The following FLT3 variants were observed in gnomAD, a reference collection of about 807,000 sequenced individuals.
The protein encoded by FLT3 is receptor-type tyrosine-protein kinase FLT3.
In FLT3, 46 loss-of-function variants were observed where a neutral mutation model predicts 126.6. The observed-to-expected ratio is 0.36, with a 90% CI of 0.29 to 0.46. The LOEUF (loss-of-function observed/expected upper bound fraction) is 0.46, where lower values mean the gene tolerates loss of function less well. Among genes scored for constraint, FLT3 ranks in the 20% least tolerant of loss-of-function variants. The pLI, the probability that FLT3 is intolerant of heterozygous loss-of-function variation, is 1.00. For synonymous variants in FLT3, 404 were observed against 434.4 expected (o/e 0.93, Z 0.87); for missense variants, 1,069 against 1,190.3 (o/e 0.90, Z 1.50).
intron 19 of FLT3, among the ~76,000 whole-genome samples, chr13:28,020,129 C>T (rs1872251714): frequency 6.6e-6 from 1 of 152,112 alleles, no homozygotes; most frequent in Admixed American, 6.5e-5. Flanking sequence ...TGATTCCATG[C>T]TTCCTATCCT....
chr13:28,032,974 G>A (rs952285184), intron 15 of FLT3, among the ~76,000 whole-genome samples: 4 of 152,082 alleles, frequency 2.6e-5, no homozygotes, highest in Non-Finnish European at 4.4e-5. Flanking sequence ...GGGGCTGGAC[G>A]CCAGATCGGA....
chr13:28,061,243 A>C (rs7334993), intron 3 of FLT3, among the ~76,000 whole-genome samples: 147,566 of 151,786 alleles, frequency 0.97, 71,855 homozygotes, highest in Non-Finnish European at 1. Context: ...GTGATCCCCG[A>C]TATTCAGGAG....
rs199995896 is a variant in FLT3, at chr13:28,041,778, AGAC to A, written c.1206-4493_1206-4491del. ...TTTCTACAAATGGCCAGCCGGCAGG[AGAC>A]GGAGGTCAGGACATTTGAGTTTACA... On this transcript the variant is annotated intron_variant, in intron 9 of 23. Coordinates refer to ENST00000241453, the MANE Select transcript of FLT3 (RefSeq NM_004119.3). Among the ~76,000 whole-genome samples the A allele has an allele frequency of 7.4e-3, 1,125 of 152,324 alleles. 6 individuals are homozygous for A. Among genetic ancestry groups the A allele is most frequent in the Non-Finnish European group, 0.013 (860 of 68,030 alleles).
chr13:28,087,728 CT>C (rs1217194757), intron 1 of FLT3, among the ~76,000 whole-genome samples: 3 of 151,982 alleles, frequency 2.0e-5, no homozygotes, highest in Non-Finnish European at 2.9e-5. Context: ...CTTTTTTGCT[CT>C]GTTCATTTTG....
At chr13:28,012,371 C>T (rs546426158) in intron 23 of FLT3, among the ~76,000 whole-genome samples, 2 of 152,110 alleles carry the variant, frequency 1.3e-5, no homozygotes, top group Non-Finnish European at 2.9e-5. Context: ...CAAACCAAGA[C>T]CCAAGTGGTC....
intron 9 of FLT3, among the ~76,000 whole-genome samples, chr13:28,043,893 C>T (rs1159161763): frequency 2.6e-5 from 4 of 151,772 alleles, no homozygotes; most frequent in African/African-American, 4.8e-5. Flanking sequence ...GGGCAGATCA[C>T]GAGGTCAGGA....
Position 28,023,459 on chromosome 13 carries a change from T to G in FLT3, c.2309A>C (p.Asn770Thr). The G allele has an allele frequency of 6.2e-7, 1 of 1,613,966 alleles. No individual in the cohort carries two copies. The highest frequency in any genetic ancestry group is 1.1e-5 in the South Asian group (1 of 91,014). The change falls in exon 19 of 24, where the codon AAC becomes ACC. Residue 770 changes from asparagine (N) to threonine (T), a missense_variant. By Grantham distance (65) the Asn-to-Thr change is moderately conservative (BLOSUM62 0). Transcript: ENST00000241453. ...FHSEDEIEYE[N>T]QKRLEEEEDL... ...CTCCTCTTCTTCCAGCCTTTTTTGGTTTTCATATTCAATTTCATCTGTAAA... is the reference window on the plus strand; with the variant it reads ...CTCCTCTTCTTCCAGCCTTTTTTGGGTTTCATATTCAATTTCATCTGTAAA...
chr13:28,020,424 C>T (rs1470223537), intron 19 of FLT3, among the ~76,000 whole-genome samples: 1 of 152,228 alleles, frequency 6.6e-6, no homozygotes. Context: ...TCTCTGCTCA[C>T]TGCAACCTCT....
intron 9 of FLT3, among the ~76,000 whole-genome samples, chr13:28,038,939 G>C (rs1228697305): frequency 1.3e-5 from 2 of 152,052 alleles, no homozygotes; most frequent in African/African-American, 4.8e-5. Flanking sequence ...AATCATTAAA[G>C]CATTAAACTG....
intron 2 of FLT3, among the ~76,000 whole-genome samples, chr13:28,064,097 C>T (rs893930979): frequency 6.6e-6 from 1 of 152,020 alleles, no homozygotes; most frequent in Non-Finnish European, 1.5e-5. Context: ...CATAGCAAGA[C>T]CCCGTCCCAA....
At chr13:28,025,056 A>G (rs567562617) in intron 17 of FLT3, 113 bp from the exon 18 acceptor site, 402 of 690,178 alleles carry the variant, frequency 5.8e-4, no homozygotes, top group Non-Finnish European at 8.9e-4. Context: ...TGACTTTTAA[A>G]TTAAAAGCAC....
intron 2 of FLT3, among the ~76,000 whole-genome samples, chr13:28,068,825 C>G (rs1877259208): frequency 6.6e-6 from 1 of 152,186 alleles, no homozygotes. Context: ...GATCCACCCA[C>G]CTTGGCCTCC....
At chr13:28,027,968 G>A (rs1206249069) in intron 16 of FLT3, among the ~76,000 whole-genome samples, 1 of 152,140 alleles carries the variant, frequency 6.6e-6, no homozygotes, top group African/African-American at 2.4e-5. Context: ...AATATATCAC[G>A]ATAAAGCAGA....
chr13:28,074,297 ATTTGT>A (rs1877780027), intron 1 of FLT3, among the ~76,000 whole-genome samples: 2 of 152,142 alleles, frequency 1.3e-5, no homozygotes, highest in Non-Finnish European at 2.9e-5. Flanking sequence ...ATATAACACA[ATTTGT>A]TTTAATCTAT....
intron 4 of FLT3, 106 bp from the exon 5 acceptor site, chr13:28,052,780 G>T: frequency 1.5e-6 from 1 of 679,986 alleles, no homozygotes; most frequent in Non-Finnish European, 2.3e-6. Flanking sequence ...CAACCATTAC[G>T]TATACATATT....
In FLT3 at chr13:28,057,398, TA is replaced by T; in HGVS notation, c.432del (p.Phe144LeufsTer15). ...GTGTAATTGGTAGCTTCACTCTGAA[TA>T]AAAAGTAGGTATTCTCCAGCTTGGG... ...TETQAGEYLLFIQSEATNYTI... is the reference protein window; with the variant it reads ...TETQAGEYLLXIQSEATNYTI... On this transcript the variant is annotated frameshift_variant, in exon 4 of 24. Transcript: ENST00000241453. LOFTEE classifies it high-confidence loss of function. 2 of 1,588,882 alleles carry T rather than the reference TA, an allele frequency of 1.3e-6. No homozygotes were observed. Among genetic ancestry groups the T allele is most frequent in the Non-Finnish European group, 8.6e-7 (1 of 1,157,036 alleles).
intron 19 of FLT3, 106 bp from the exon 20 acceptor site, chr13:28,018,695 C>T (rs2137625491): frequency 8.2e-7 from 1 of 1,216,836 alleles, no homozygotes; most frequent in Non-Finnish European, 1.2e-6. Flanking sequence ...TGATGGAAGG[C>T]CTCTTATCTT....
At chr13:28,074,110 A>G (rs1368918496) in intron 1 of FLT3, among the ~76,000 whole-genome samples, 1 of 152,098 alleles carries the variant, frequency 6.6e-6, no homozygotes, top group African/African-American at 2.4e-5. Context: ...GTAATTATAG[A>G]CTGGTTTGAA....
intron 17 of FLT3, chr13:28,025,353 C>T (rs1872711807): frequency 2.2e-6 from 1 of 450,414 alleles, no homozygotes; most frequent in African/African-American, 2.0e-5. Context: ...TCCCGAGAGT[C>T]CCGTAAGCGT....
Sources: gnomAD v4.1 joint callset for allele counts (sites outside exome capture counted in the v4.1 genomes callset) on GRCh38, gnomAD v4.1.1 for gene constraint, MANE v1.5 for transcripts, NCBI Gene and HGNC (gene_info 2026-07-23, HGNC 2026-07-21) for gene names.